The following BPNT2 variants were observed in gnomAD, a reference collection of about 807,000 sequenced individuals.
BPNT2 encodes 3'(2'), 5'-bisphosphate nucleotidase 2.
BPNT2 carries 11 observed loss-of-function variants against 29.3 expected under a neutral mutation model. The ratio of observed to expected loss-of-function variants is 0.38; its 90% CI spans 0.24 to 0.62. BPNT2 has a LOEUF of 0.62. Among genes scored for constraint, BPNT2 ranks in the 20% least tolerant of loss-of-function variants. The pLI is 0.62. For missense variants in BPNT2, 459 were observed against 473.4 expected (o/e 0.97, Z 0.28); for synonymous variants, 195 against 187.7 (o/e 1.04, Z -0.32).
chr8:56,971,782 A>ACC (rs71258551), intron 3 of BPNT2, among the ~76,000 whole-genome samples: 29,511 of 103,580 alleles, frequency 0.28, 6,563 homozygotes, highest in African/African-American at 0.34. Context: ...ATTTTGTACC[A>ACC]CCCCCCCCCC....
chr8:56,990,908 G>C (rs1806407392), intron 1 of BPNT2, among the ~76,000 whole-genome samples: 1 of 152,080 alleles, frequency 6.6e-6, no homozygotes, highest in Non-Finnish European at 1.5e-5. Context: ...ATTTACATAG[G>C]GCACTAGGAT....
At chr8:56,982,895 A>G (rs1379404266) in intron 1 of BPNT2, among the ~76,000 whole-genome samples, 1 of 152,188 alleles carries the variant, frequency 6.6e-6, no homozygotes, top group Non-Finnish European at 1.5e-5. Context: ...CATACAATGG[A>G]AAGTTACTCA....
intron 3 of BPNT2, among the ~76,000 whole-genome samples, chr8:56,977,063 A>G (rs1037378732): frequency 1.3e-5 from 2 of 152,204 alleles, no homozygotes; most frequent in Non-Finnish European, 2.9e-5. Flanking sequence ...AACAAGCTAT[A>G]TATGAAATAT....
chr8:56,975,020 G>C (rs750997378), intron 3 of BPNT2, among the ~76,000 whole-genome samples: 17 of 152,056 alleles, frequency 1.1e-4, no homozygotes, highest in Non-Finnish European at 2.4e-4. Context: ...TGCAGCTAAG[G>C]GTGCCATGTG....
chr8:56,989,161 A>G (rs1806371622), intron 1 of BPNT2, among the ~76,000 whole-genome samples: 2 of 152,102 alleles, frequency 1.3e-5, no homozygotes, highest in Non-Finnish European at 2.9e-5. Flanking sequence ...CCATTATGTC[A>G]ATCTCAGTGA....
chr8:56,978,557 T>A (rs1471282678), intron 2 of BPNT2, among the ~76,000 whole-genome samples: 5 of 151,832 alleles, frequency 3.3e-5, no homozygotes, highest in Non-Finnish European at 7.4e-5. Flanking sequence ...CAAAAGAATA[T>A]AAATCATTCT....
rs1805881851 is a variant in BPNT2 at position 56,963,614 on chromosome 8, C to G, written c.*179G>C. Reference sequence around the variant, plus strand: ...GACAATACTTGAGACACAAAGCAACCCATTTTCCCTGATTTTGCATTCTAT... The same window carrying G: ...GACAATACTTGAGACACAAAGCAACGCATTTTCCCTGATTTTGCATTCTAT... On this transcript the variant is annotated 3_prime_UTR_variant, in exon 5 of 5. Transcript: ENST00000262644. 4.8e-6 allele frequency: 3 copies of G among 628,946 alleles called. No homozygotes were observed. The highest frequency in any genetic ancestry group is 8.3e-6 in the Non-Finnish European group (3 of 362,112). 39.0% of individuals were successfully genotyped at this position (628,946 alleles called of 1,614,324 possible). A position where few individuals can be genotyped will look rare whatever the true frequency, so the allele number is the denominator to read the frequency against.
rs571993355 is a variant in BPNT2 at position 56,966,524 on chromosome 8, T to C, written c.647-172A>G. ...TTTTTTTCAGAGTACAAAAGTAGTATATATGTATTTGTAAAATAGACATGT... is the reference window on the plus strand; with the variant it reads ...TTTTTTTCAGAGTACAAAAGTAGTACATATGTATTTGTAAAATAGACATGT... On this transcript the variant is annotated intron_variant, in intron 3 of 4. Transcript: ENST00000262644. Among the ~76,000 whole-genome samples, 11 of 152,324 alleles carry C rather than the reference T, an allele frequency of 7.2e-5. No individual in the cohort carries two copies. In the East Asian group the frequency reaches 2.1e-3, roughly 29 times the overall value.
chr8:56,958,852 A>G lies in BPNT2; in HGVS notation c.*4941T>C, dbSNP rs1219079967. 4 of 152,234 alleles carry G rather than the reference A, an allele frequency of 2.6e-5. No individual in the cohort carries two copies. The highest frequency in any genetic ancestry group is 5.9e-5 in the Non-Finnish European group (4 of 68,042). The allele number at this position is 152,234 out of a possible 1,614,324, so 9.4% of individuals were successfully genotyped here. On this transcript the variant is annotated 3_prime_UTR_variant, in exon 5 of 5. Transcript: ENST00000262644. ...TGGACAATATGGCACATGGAAATTA[A>G]AAAGTCCATAAACGTGCCCTCCTAA...
chr8:56,979,994 T>A, intron 2 of BPNT2, 41 bp downstream of exon 2: 1 of 1,600,824 alleles, frequency 6.2e-7, no homozygotes. Flanking sequence ...TCTCTACTAC[T>A]AAACGTCAAT....
rs185274822 is a variant in BPNT2, at chr8:56,984,076, T to C, written c.388-3879A>G. ...TGACTCCTAGAAAAGACGAAGTAGC[T>C]TATGGGCCTTAACCACTGTAGCTTA... On this transcript the variant is annotated intron_variant, in intron 1 of 4. Coordinates refer to ENST00000262644, the MANE Select transcript of BPNT2 (RefSeq NM_017813.5). Among the ~76,000 whole-genome samples, 311 of 152,228 alleles carry C rather than the reference T, an allele frequency of 2.0e-3. 3 individuals are homozygous for C. Among genetic ancestry groups the C allele is most frequent in the African/African-American group, 7.0e-3 (292 of 41,534 alleles).
intron 1 of BPNT2, among the ~76,000 whole-genome samples, chr8:56,981,522 G>A (rs1806243768): frequency 1.3e-5 from 2 of 151,894 alleles, no homozygotes; most frequent in Admixed American, 1.3e-4. Context: ...CCAAGATCAC[G>A]CCACTGCACT....
intron 1 of BPNT2, among the ~76,000 whole-genome samples, chr8:56,990,985 T>C (rs1267042281): frequency 6.6e-6 from 1 of 152,214 alleles, no homozygotes; most frequent in East Asian, 1.9e-4. Flanking sequence ...AAGTGGGATA[T>C]AATTTAAGTT....
Position 56,959,887 on chromosome 8 carries a change from T to C in BPNT2, c.*3906A>G, listed in dbSNP as rs1805801370. 6.6e-6 allele frequency: 1 copy of C among 152,216 alleles called. No individual in the cohort carries two copies. Among genetic ancestry groups the C allele is most frequent in the Non-Finnish European group, 1.5e-5 (1 of 68,046 alleles). The allele number at this position is 152,216 out of a possible 1,614,324, so 9.4% of individuals were successfully genotyped here. A position where few individuals can be genotyped will look rare whatever the true frequency, so the allele number is the denominator to read the frequency against. ...TACTAAAAAGGTTGTTTTCCCTTAT[T>C]AACATACAATGCCCTATTGTTAAGG... On this transcript the variant is annotated 3_prime_UTR_variant, in exon 5 of 5. Transcript: ENST00000262644.
intron 1 of BPNT2, among the ~76,000 whole-genome samples, chr8:56,989,829 A>G (rs13257046): frequency 0.069 from 10,506 of 152,158 alleles, 569 homozygotes; most frequent in East Asian, 0.27. Context: ...CTTCCACAAT[A>G]ATTCTCCCAA....
chr8:56,991,381 C>T (rs1415971606), intron 1 of BPNT2, among the ~76,000 whole-genome samples: 1 of 152,220 alleles, frequency 6.6e-6, no homozygotes, highest in Non-Finnish European at 1.5e-5. Flanking sequence ...AAATGCAGCT[C>T]ACTGCCCTTG....
Position 56,973,653 on chromosome 8 carries a change from C to T in BPNT2, c.646+4397G>A, listed in dbSNP as rs531642068. ...ACCACACCAGAGGATTAACAGAAGA[C>T]GACTTGATGGAGATGAGTGCTTCAA... On this transcript the variant is annotated intron_variant, in intron 3 of 4. Transcript: ENST00000262644. 6.6e-5 allele frequency among the ~76,000 whole-genome samples: 10 copies of T among 152,190 alleles called. No homozygotes were observed. In the South Asian group the frequency reaches 1.9e-3, roughly 28 times the overall value.
rs781048135 is a variant in BPNT2 at position 56,958,186 on chromosome 8, G to A, written c.*5607C>T. 1 of 152,160 alleles carries A rather than the reference G, an allele frequency of 6.6e-6. No individual in the cohort carries two copies. Among genetic ancestry groups the A allele is most frequent in the Admixed American group, 6.5e-5 (1 of 15,270 alleles). 9.4% of individuals were successfully genotyped at this position (152,160 alleles called of 1,614,324 possible). ...CAACCAAGGCACAAAATATGCTAATGCTAATAATCCTTTATTCAATTTAGC... is the reference window on the plus strand; with the variant it reads ...CAACCAAGGCACAAAATATGCTAATACTAATAATCCTTTATTCAATTTAGC... On this transcript the variant is annotated 3_prime_UTR_variant, in exon 5 of 5. Coordinates refer to ENST00000262644, the MANE Select transcript of BPNT2 (RefSeq NM_017813.5).
intron 3 of BPNT2, among the ~76,000 whole-genome samples, chr8:56,973,511 C>T (rs1806071120): frequency 6.6e-6 from 1 of 152,128 alleles, no homozygotes; most frequent in Non-Finnish European, 1.5e-5. Context: ...CATGTCTCCA[C>T]AAGATTTACA....
Sources: gnomAD v4.1 joint callset for allele counts (sites outside exome capture counted in the v4.1 genomes callset) on GRCh38, gnomAD v4.1.1 for gene constraint, MANE v1.5 for transcripts, NCBI Gene and HGNC (gene_info 2026-07-23, HGNC 2026-07-21) for gene names.